RNF20: variants seen among roughly 807,000 people sequenced by gnomAD.
The protein encoded by RNF20 is ring finger protein 20, also known as E3 ubiquitin-protein ligase BRE1A.
In RNF20, 84 loss-of-function variants were observed where a neutral mutation model predicts 126.2. The observed-to-expected ratio is 0.67, with a 90% CI of 0.56 to 0.80. The LOEUF (loss-of-function observed/expected upper bound fraction) is 0.80, where lower values mean the gene tolerates loss of function less well. RNF20 is among the 30% of genes least tolerant of loss of function. RNF20 has a pLI of 0.00. For synonymous variants in RNF20, 400 were observed against 414.3 expected, an observed-to-expected ratio of 0.97 and a Z score of 0.42; for missense variants, 869 against 1,188.2, an observed-to-expected ratio of 0.73 and a Z score of 3.95.
chr9:101,534,178 T>G (rs965514495), intron 1 of RNF20: 10 of 152,034 alleles, frequency 6.6e-5, no homozygotes, highest in African/African-American at 2.4e-4. Flanking sequence ...CCAGCGATAG[T>G]CCTCTCCTGG....
intron 2 of RNF20, among the ~76,000 whole-genome samples, chr9:101,536,284 G>A (rs1588215218): frequency 6.6e-6 from 1 of 152,102 alleles, no homozygotes; most frequent in Admixed American, 6.5e-5. Flanking sequence ...TTTGATCTAC[G>A]TCAAGATTTT....
intron 1 of RNF20, among the ~76,000 whole-genome samples, chr9:101,535,140 C>T (rs942168141): frequency 1.3e-5 from 2 of 151,990 alleles, no homozygotes; most frequent in Non-Finnish European, 2.9e-5. Flanking sequence ...ATCTTCTGAC[C>T]TCTTGATCCG....
At position 101,546,646 on chromosome 9, in the gene RNF20, GAC is replaced by G. The variant is rs144478335; in HGVS notation, c.748-170_748-169del. Among the ~76,000 whole-genome samples the G allele has an allele frequency of 6.8e-3, 1,035 of 152,260 alleles. 15 individuals carry two copies. Among genetic ancestry groups the G allele is most frequent in the African/African-American group, 0.024 (994 of 41,544 alleles). On this transcript the variant is annotated intron_variant, in intron 6 of 19. Transcript: ENST00000389120. ...ACTTAAAGTTTGCATGATTATAACTGACACAGAATTGTTGGAGGAATCCGTGA... is the reference window on the plus strand; with the variant it reads ...ACTTAAAGTTTGCATGATTATAACTGACAGAATTGTTGGAGGAATCCGTGA...
At chr9:101,545,066 G>A (rs947018392) in intron 6 of RNF20, among the ~76,000 whole-genome samples, 181 bp downstream of exon 6, 10 of 152,136 alleles carry the variant, frequency 6.6e-5, no homozygotes, top group Admixed American at 1.3e-4. Flanking sequence ...ATAAAAGACT[G>A]TATAGTGTTA....
Position 101,544,899 on chromosome 9 carries a change from A to C in RNF20, c.747+14A>C. ...ATGTCTCAGGAGGTACTTAACCAAA[A>C]AGGAGAGATGGCTGTGTCTAGTGGG... On this transcript the variant is annotated intron_variant, in intron 6 of 19. Coordinates refer to ENST00000389120, the MANE Select transcript of RNF20 (RefSeq NM_019592.7). 1 of 1,487,278 alleles carries C rather than the reference A, an allele frequency of 6.7e-7. No homozygotes were observed. The highest frequency in any genetic ancestry group is 9.4e-7 in the Non-Finnish European group (1 of 1,064,472). 92.1% of individuals were successfully genotyped at this position (1,487,278 alleles called of 1,614,324 possible).
chr9:101,536,832 C>A (rs1395226742), intron 2 of RNF20, among the ~76,000 whole-genome samples: 4 of 152,154 alleles, frequency 2.6e-5, no homozygotes, highest in African/African-American at 9.7e-5. Flanking sequence ...AAGTAGGAGA[C>A]TAACATGCTC....
intron 2 of RNF20, among the ~76,000 whole-genome samples, chr9:101,535,973 G>T (rs1827176809): frequency 6.6e-6 from 1 of 152,174 alleles, no homozygotes; most frequent in Non-Finnish European, 1.5e-5. Context: ...TTCCTAGCTG[G>T]CTGACCTTGT....
chr9:101,542,459 C>T (rs572903604), intron 5 of RNF20, among the ~76,000 whole-genome samples: 3 of 152,242 alleles, frequency 2.0e-5, no homozygotes, highest in Admixed American at 6.5e-5. Flanking sequence ...TGTCTTGGTT[C>T]AGTAGTTTGG....
chr9:101,554,075 G>C lies in RNF20; in HGVS notation c.1989G>C (p.Leu663=). The change falls in exon 14 of 20, where the codon CTG becomes CTC. Residue 663 remains leucine, a synonymous_variant. Transcript: ENST00000389120. The part of the protein sequence containing the change: ...APKEQRDKVQ[L]MAAEKKSKAE... ...AGGAACAGAGAGACAAAGTTCAGCT[G>C]ATGGCAGCTGAGAAGAAGTCTAAGG... is the stretch of plus-strand genomic sequence containing the variant. 6.2e-7 allele frequency: 1 copy of C among 1,611,726 alleles called. No homozygotes were observed. The highest frequency in any genetic ancestry group is 8.5e-7 in the Non-Finnish European group (1 of 1,177,898).
At chr9:101,546,188 C>A (rs1827344970) in intron 6 of RNF20, among the ~76,000 whole-genome samples, 1 of 152,058 alleles carries the variant, frequency 6.6e-6, no homozygotes, top group African/African-American at 2.4e-5. Context: ...TGTTTTAAAA[C>A]CTAGCACAAA....
intron 2 of RNF20, 27 bp downstream of exon 2, chr9:101,535,579 G>A (rs1588214942): frequency 3.1e-6 from 5 of 1,592,592 alleles, no homozygotes; most frequent in Non-Finnish European, 3.4e-6. Context: ...CCATGAAAGT[G>A]TGCTTGTCTT....
intron 19 of RNF20, 91 bp downstream of exon 19, chr9:101,562,102 G>C: frequency 1.5e-6 from 2 of 1,303,432 alleles, no homozygotes; most frequent in South Asian, 1.4e-5. Flanking sequence ...AGTAACCAGA[G>C]AATGGTTTAT....
rs928952333 is a variant in RNF20 at position 101,554,174 on chromosome 9, G to A, written c.2019+69G>A. 9.5e-6 allele frequency: 8 copies of A among 845,964 alleles called. No individual in the cohort carries two copies. The African/African-American group carries it at 1.2e-4, about 13-fold the overall frequency. The allele number at this position is 845,964 out of a possible 1,614,324, so 52.4% of individuals were successfully genotyped here. ...ATTTGTGGGATTTTCCTTTATACTTGCCAACGATATAATTTCTTTCTTTAT... is the reference window on the plus strand; with the variant it reads ...ATTTGTGGGATTTTCCTTTATACTTACCAACGATATAATTTCTTTCTTTAT... On this transcript the variant is annotated intron_variant, in intron 14 of 19. Transcript: ENST00000389120.
At chr9:101,561,062 G>A (rs1827620562) in intron 17 of RNF20, 28 bp from the exon 18 acceptor site, 1 of 1,611,106 alleles carries the variant, frequency 6.2e-7, no homozygotes, top group Non-Finnish European at 8.5e-7. Context: ...TGATACAATG[G>A]TGTCACTTAT....
intron 9 of RNF20, among the ~76,000 whole-genome samples, chr9:101,549,484 A>C (rs527915751): frequency 6.6e-6 from 1 of 152,242 alleles, no homozygotes; most frequent in Non-Finnish European, 1.5e-5. Context: ...ACCACTGAAC[A>C]GGTTAGGCCT....
At chr9:101,535,699 T>G in intron 2 of RNF20, 147 bp downstream of exon 2, 1 of 775,140 alleles carries the variant, frequency 1.3e-6, no homozygotes, top group South Asian at 1.9e-5. Flanking sequence ...TAAAATGATG[T>G]GGTAGTCAGT....
intron 17 of RNF20, 26 bp downstream of exon 17, chr9:101,560,952 T>C (rs1379030316): frequency 6.2e-7 from 1 of 1,605,628 alleles, no homozygotes; most frequent in African/African-American, 1.3e-5. Context: ...CTAATGATGG[T>C]TAGTCTCAGT....
In RNF20 at chr9:101,536,776, A is replaced by T. The variant is rs190012173; in HGVS notation, c.129+1224A>T. Among the ~76,000 whole-genome samples the T allele has an allele frequency of 7.0e-4, 107 of 152,312 alleles. 1 individual carries two copies. The highest frequency in any genetic ancestry group is 2.5e-3 in the African/African-American group (105 of 41,550). On this transcript the variant is annotated intron_variant, in intron 2 of 19. Transcript: ENST00000389120. ...ATGGGAAGCACATAGCACACACCCC[A>T]GTGTGGACTTTATCCAGAGGCAATG...
At chr9:101,542,577 AT>A (rs1827276858) in intron 5 of RNF20, among the ~76,000 whole-genome samples, 1 of 152,230 alleles carries the variant, frequency 6.6e-6, no homozygotes, top group Non-Finnish European at 1.5e-5. Flanking sequence ...CTAATATAAA[AT>A]AATGGTGCTT....
Sources: allele counts gnomAD v4.1 joint callset (sites outside exome capture counted in the v4.1 genomes callset), GRCh38; gene constraint gnomAD v4.1.1; transcripts MANE v1.5; gene names NCBI Gene and HGNC (gene_info 2026-07-23, HGNC 2026-07-21).